PRKN: variants seen among roughly 807,000 people sequenced by gnomAD.
PRKN encodes parkin RBR E3 ubiquitin protein ligase.
A neutral mutation model predicts 59.5 loss-of-function variants in PRKN; 56 were observed. The ratio of observed to expected loss-of-function variants is 0.94; its 90% CI spans 0.76 to 1.18. The LOEUF is 1.18. PRKN is among the 50% of genes most tolerant of loss of function. PRKN has a pLI of 0.00. For synonymous variants in PRKN, 250 were observed against 222.1 expected, an observed-to-expected ratio of 1.13 and a Z score of -1.12; for missense variants, 657 against 596.4, an observed-to-expected ratio of 1.10 and a Z score of -1.06.
chr6:162,519,073 G>C (rs1268349778), intron 1 of PRKN, among the ~76,000 whole-genome samples: 1 of 152,130 alleles, frequency 6.6e-6, no homozygotes, highest in Non-Finnish European at 1.5e-5. Flanking sequence ...GGGAGGCTGA[G>C]GCAGGAGAAT....
intron 1 of PRKN, among the ~76,000 whole-genome samples, chr6:162,473,137 C>T (rs1791839282): frequency 6.6e-6 from 1 of 152,118 alleles, no homozygotes; most frequent in South Asian, 2.1e-4. Context: ...TCATAAAATA[C>T]TAATGCCTTG....
intron 6 of PRKN, among the ~76,000 whole-genome samples, chr6:161,833,406 T>A (rs1442440472): frequency 6.6e-6 from 1 of 152,186 alleles, no homozygotes. Context: ...AGGTAGCTTA[T>A]AATATGAAGT....
chr6:162,078,944 G>A lies in PRKN; in HGVS notation c.535-24770C>T, dbSNP rs536043987. Among the ~76,000 whole-genome samples, 253 of 152,132 alleles carry A rather than the reference G, an allele frequency of 1.7e-3. 2 individuals carry two copies. The highest frequency in any genetic ancestry group is 5.9e-3 in the African/African-American group (244 of 41,440). On this transcript the variant is annotated intron_variant, in intron 4 of 11. Transcript: ENST00000366898. The stretch of plus-strand genomic sequence containing the variant: ...TTAATAGATCAGACCCTCCTTTACA[G>A]TCTGTCTTCACACAAAATCACAAAG...
intron 2 of PRKN, among the ~76,000 whole-genome samples, chr6:162,334,473 C>G (rs1008130492): frequency 6.6e-6 from 1 of 152,146 alleles, no homozygotes; most frequent in African/African-American, 2.4e-5. Flanking sequence ...AGCCTATATG[C>G]CAGCACATCT....
chr6:162,140,182 G>A (rs567712617), intron 4 of PRKN, among the ~76,000 whole-genome samples: 5 of 152,196 alleles, frequency 3.3e-5, no homozygotes, highest in Admixed American at 6.5e-5. Flanking sequence ...TTCAGTTTTC[G>A]CACTCTAAAA....
intron 2 of PRKN, among the ~76,000 whole-genome samples, chr6:162,365,149 AT>A (rs1341857636): frequency 2.6e-5 from 4 of 152,068 alleles, no homozygotes; most frequent in Admixed American, 6.6e-5. Flanking sequence ...ATTTAAAAAA[AT>A]CACACAAAAG....
chr6:162,348,360 T>C (rs1208490638), intron 2 of PRKN, among the ~76,000 whole-genome samples: 7 of 152,016 alleles, frequency 4.6e-5, no homozygotes, highest in South Asian at 2.1e-4. Context: ...ACCAAAAATA[T>C]CTGTAGAAGA....
In PRKN at chr6:161,529,333, C is replaced by T. The variant is rs373343944; in HGVS notation, c.1083+19521G>A. On this transcript the variant is annotated intron_variant, in intron 9 of 11. Coordinates refer to ENST00000366898, the MANE Select transcript of PRKN (RefSeq NM_004562.3). This position sits in a 1 kb window ranked among gnomAD's most constrained non-coding sequence, Gnocchi z 4.4. ...TCCCTCCAGCTGCCTCACCTGGGGC[C>T]GCAGTAAGCACCAAGTTCACAGGCT... Among the ~76,000 whole-genome samples the T allele has an allele frequency of 2.0e-5, 3 of 150,204 alleles. No individual in the cohort carries two copies. In the South Asian group the frequency reaches 6.2e-4, roughly 31 times the overall value.
chr6:161,838,779 C>T (rs908011367), intron 6 of PRKN, among the ~76,000 whole-genome samples: 1 of 152,198 alleles, frequency 6.6e-6, no homozygotes, highest in South Asian at 2.1e-4. Context: ...TGCACAAACA[C>T]GGCTCTTGCA....
intron 9 of PRKN, among the ~76,000 whole-genome samples, chr6:161,510,871 CT>C (rs1778360051): frequency 6.6e-6 from 1 of 152,148 alleles, no homozygotes; most frequent in African/African-American, 2.4e-5. Context: ...CTCCTTTCCC[CT>C]GTGGCCATTT....
intron 4 of PRKN, among the ~76,000 whole-genome samples, chr6:162,112,804 C>T (rs1449363376): frequency 6.6e-6 from 1 of 151,448 alleles, no homozygotes; most frequent in African/African-American, 2.4e-5. Flanking sequence ...AGCTGAGTAT[C>T]GTGGTTTACA....
chr6:162,575,717 A>AG (rs1780529533), intron 1 of PRKN, among the ~76,000 whole-genome samples: 1 of 152,202 alleles, frequency 6.6e-6, no homozygotes, highest in African/African-American at 2.4e-5. Flanking sequence ...AAGAATGGCC[A>AG]GGGCTACATC....
chr6:161,512,241 A>C (rs1583172633), intron 9 of PRKN, among the ~76,000 whole-genome samples: 1 of 152,184 alleles, frequency 6.6e-6, no homozygotes, highest in South Asian at 2.1e-4. Context: ...ATATGATAAA[A>C]CAGCACATCC....
intron 1 of PRKN, among the ~76,000 whole-genome samples, chr6:162,704,087 C>T (rs964303298): frequency 1.3e-5 from 2 of 152,128 alleles, no homozygotes; most frequent in Admixed American, 1.3e-4. Context: ...ACCTGGTACC[C>T]GCTGAGCCTC....
intron 1 of PRKN, among the ~76,000 whole-genome samples, chr6:162,537,005 T>C (rs1778746881): frequency 6.6e-6 from 1 of 152,092 alleles, no homozygotes; most frequent in South Asian, 2.1e-4. Flanking sequence ...CTAACAATTA[T>C]ATTAGATATT....
chr6:162,337,915 TA>T (rs1220787844), intron 2 of PRKN, among the ~76,000 whole-genome samples: 2 of 152,118 alleles, frequency 1.3e-5, no homozygotes, highest in East Asian at 1.9e-4. Flanking sequence ...AATATTGCCA[TA>T]AAAATACATT....
intron 7 of PRKN, among the ~76,000 whole-genome samples, chr6:161,711,281 C>T (rs539786769): frequency 6.6e-6 from 1 of 152,242 alleles, no homozygotes; most frequent in Admixed American, 6.5e-5. Context: ...GATGAGAAAG[C>T]AGCACGATGG....
At chr6:161,543,870 C>T (rs188305923) in intron 9 of PRKN, among the ~76,000 whole-genome samples, 73 of 152,272 alleles carry the variant, frequency 4.8e-4, no homozygotes, top group African/African-American at 1.7e-3. Flanking sequence ...TATTTTGTTG[C>T]TGTTTTCCAG....
rs1412818689 is a variant in PRKN, at chr6:162,691,185, C to G, written c.7+36477G>C. Among the ~76,000 whole-genome samples the G allele has an allele frequency of 4.6e-5, 7 of 152,116 alleles. No individual in the cohort carries two copies. The East Asian group carries it at 1.4e-3, about 29-fold the overall frequency. On this transcript the variant is annotated intron_variant, in intron 1 of 11. Coordinates refer to ENST00000366898, the MANE Select transcript of PRKN (RefSeq NM_004562.3). The stretch of plus-strand genomic sequence containing the variant: ...TAAAAATTTCTTTCAACAAATGCCC[C>G]TACTATATCTAAATATATAGTTGGA...
Sources: allele counts gnomAD v4.1 joint callset (sites outside exome capture counted in the v4.1 genomes callset), GRCh38; gene constraint gnomAD v4.1.1; non-coding constraint Gnocchi (gnomAD v3.1); transcripts MANE v1.5; gene names NCBI Gene and HGNC (gene_info 2026-07-23, HGNC 2026-07-21).